MICU1: variants seen among roughly 807,000 people sequenced by gnomAD.
MICU1 encodes the protein mitochondrial calcium uptake 1, also known as calcium uptake protein 1, mitochondrial.
A neutral mutation model predicts 56.8 loss-of-function variants in MICU1; 45 were observed. That is an observed-to-expected ratio of 0.79 (90% CI 0.62 to 1.02). The LOEUF is 1.02. Among genes scored for constraint, MICU1 ranks in the 50% least tolerant of loss-of-function variants. The pLI is 0.00. For missense variants in MICU1, 504 were observed against 587.1 expected, an observed-to-expected ratio of 0.86 and a Z score of 1.46; for synonymous variants, 186 against 195.1, an observed-to-expected ratio of 0.95 and a Z score of 0.39.
chr10:72,431,218 C>T (rs1032652813), intron 8 of MICU1, among the ~76,000 whole-genome samples: 1 of 151,940 alleles, frequency 6.6e-6, no homozygotes, highest in Non-Finnish European at 1.5e-5. Flanking sequence ...GCAACCTCTG[C>T]CTCCCAGGTT....
intron 8 of MICU1, among the ~76,000 whole-genome samples, chr10:72,451,864 A>G (rs1275728427): frequency 2.0e-5 from 3 of 151,410 alleles, no homozygotes; most frequent in South Asian, 2.1e-4. Context: ...CATTAGTTAG[A>G]TATTTTCTTT....
intron 8 of MICU1, among the ~76,000 whole-genome samples, chr10:72,458,960 C>T (rs1003182866): frequency 6.0e-5 from 9 of 150,020 alleles, no homozygotes; most frequent in African/African-American, 2.2e-4. Context: ...AACTCCTGAA[C>T]TCAAGTGATT....
intron 6 of MICU1, among the ~76,000 whole-genome samples, chr10:72,491,581 G>A (rs563811488): frequency 2.0e-5 from 3 of 152,168 alleles, no homozygotes; most frequent in African/African-American, 7.2e-5. Flanking sequence ...AGGTGTGGTC[G>A]CTCACACCTG....
intron 10 of MICU1, among the ~76,000 whole-genome samples, chr10:72,393,122 T>C (rs1354086488): frequency 6.6e-6 from 1 of 152,246 alleles, no homozygotes; most frequent in Non-Finnish European, 1.5e-5. Flanking sequence ...TGTTCAGATA[T>C]ATCAATATGT....
At chr10:72,601,986 G>C (rs1015148963) in intron 1 of MICU1, among the ~76,000 whole-genome samples, 1 of 150,804 alleles carries the variant, frequency 6.6e-6, no homozygotes, top group Non-Finnish European at 1.5e-5. Context: ...TTTTGGTAGA[G>C]ATGAGGTTTC....
intron 1 of MICU1, among the ~76,000 whole-genome samples, chr10:72,592,134 T>C (rs1432029200): frequency 3.3e-5 from 5 of 150,952 alleles, no homozygotes; most frequent in Admixed American, 3.3e-4. Context: ...CTCAGCCTCC[T>C]GAGTAGCTGG....
intron 1 of MICU1, among the ~76,000 whole-genome samples, chr10:72,611,773 C>A (rs1212990710): frequency 6.6e-6 from 1 of 151,818 alleles, no homozygotes; most frequent in Non-Finnish European, 1.5e-5. Flanking sequence ...TAACATTTTT[C>A]AAAATTTCAG....
chr10:72,475,222 T>C lies in MICU1; in HGVS notation c.811A>G (p.Lys271Glu). ...RDRPTTGNTLKSGLCSALTTY... is the reference protein window; with the variant it reads ...RDRPTTGNTLESGLCSALTTY... ...GTGAGGGCTGAACACAAGCCAGACT[T>C]GAGGGTGTTGCCAGTAGTTGGACGA... The change falls in exon 8 of 12, where the codon AAG becomes GAG. Residue 271 changes from lysine to glutamate, a missense_variant. Lys to Glu is a moderately conservative substitution (Grantham distance 56). Transcript: ENST00000361114. The C allele has an allele frequency of 6.2e-7, 1 of 1,611,072 alleles. No individual in the cohort carries two copies. The highest frequency in any genetic ancestry group is 8.5e-7 in the Non-Finnish European group (1 of 1,178,546).
intron 5 of MICU1, among the ~76,000 whole-genome samples, chr10:72,527,285 T>C (rs1867990956): frequency 1.3e-5 from 2 of 152,168 alleles, no homozygotes; most frequent in African/African-American, 4.8e-5. Flanking sequence ...TGGTATCACA[T>C]AGTGTTCAAG....
chr10:72,374,009 G>T (rs958828898), intron 11 of MICU1, among the ~76,000 whole-genome samples: 5 of 152,380 alleles, frequency 3.3e-5, no homozygotes, highest in African/African-American at 1.2e-4. Flanking sequence ...GGCAGCTCTA[G>T]AGAATAAACC....
chr10:72,436,836 A>G (rs1358832247), intron 8 of MICU1, among the ~76,000 whole-genome samples: 1 of 152,132 alleles, frequency 6.6e-6, no homozygotes, highest in Non-Finnish European at 1.5e-5. Context: ...AAATTAATGA[A>G]ATAAAACAAA....
At chr10:72,430,846 C>T (rs2088127011) in intron 8 of MICU1, among the ~76,000 whole-genome samples, 6 of 152,148 alleles carry the variant, frequency 3.9e-5, no homozygotes, top group Admixed American at 3.9e-4. Flanking sequence ...AGGCGTGAGC[C>T]ACTGCACCTG....
intron 8 of MICU1, among the ~76,000 whole-genome samples, chr10:72,441,620 T>C (rs1346306784): frequency 3.3e-4 from 46 of 139,556 alleles, no homozygotes; most frequent in Admixed American, 1.3e-3. Flanking sequence ...TTTTTCTTTT[T>C]TTTTTTTTTT....
chr10:72,465,554 C>T (rs1346497759), intron 8 of MICU1, among the ~76,000 whole-genome samples: 1 of 138,498 alleles, frequency 7.2e-6, no homozygotes, highest in Non-Finnish European at 1.5e-5. Context: ...CACTCTGTCA[C>T]CCAGGCTGGA....
At chr10:72,449,961 T>G (rs1485380906) in intron 8 of MICU1, among the ~76,000 whole-genome samples, 2 of 152,082 alleles carry the variant, frequency 1.3e-5, no homozygotes, top group Non-Finnish European at 2.9e-5. Context: ...AACATGTATG[T>G]GTACTTTGCC....
At chr10:72,566,338 G>A (rs772277643) in intron 2 of MICU1, among the ~76,000 whole-genome samples, 2 of 152,058 alleles carry the variant, frequency 1.3e-5, no homozygotes, top group South Asian at 2.1e-4. Context: ...AAGCCACCGC[G>A]CCTGGCCAGA....
intron 3 of MICU1, among the ~76,000 whole-genome samples, chr10:72,553,978 G>T (rs1457195568): frequency 1.3e-5 from 2 of 152,058 alleles, no homozygotes; most frequent in Non-Finnish European, 2.9e-5. Flanking sequence ...AAGGATTTTG[G>T]GATGTTTAGC....
At chr10:72,573,307 CAAAAAAAAAAA>C (rs58866778) in intron 1 of MICU1, among the ~76,000 whole-genome samples, 4 of 21,038 alleles carry the variant, frequency 1.9e-4, no homozygotes, top group East Asian at 1.3e-3. Flanking sequence ...CCCATCACTA[CAAAAAAAAAAA>C]AAAAAAAAAA....
chr10:72,491,372 AC>A (rs1334513703), intron 6 of MICU1, among the ~76,000 whole-genome samples: 1 of 152,176 alleles, frequency 6.6e-6, no homozygotes, highest in Non-Finnish European at 1.5e-5. Context: ...AAAAATAATT[AC>A]CCTTTAGTTT....
Sources: allele counts gnomAD v4.1 joint callset (sites outside exome capture counted in the v4.1 genomes callset), GRCh38; gene constraint gnomAD v4.1.1; transcripts MANE v1.5; gene names NCBI Gene and HGNC (gene_info 2026-07-23, HGNC 2026-07-21).